Variants in USP9X observed in about 807,000 individuals in gnomAD.
USP9X encodes ubiquitin carboxyl-terminal hydrolase 9X.
In USP9X, 7 loss-of-function variants were observed where a neutral mutation model predicts 190.3. The ratio of observed to expected loss-of-function variants is 0.04; its 90% CI spans 0.02 to 0.07. The LOEUF (loss-of-function observed/expected upper bound fraction) is 0.07. USP9X is among the 10% of genes least tolerant of loss of function. The pLI, the probability that USP9X is intolerant of heterozygous loss-of-function variation, is 1.00. For synonymous variants in USP9X, 645 were observed against 659.5 expected, an observed-to-expected ratio of 0.98 and a Z score of 0.34; for missense variants, 1,010 against 1,916.9, an observed-to-expected ratio of 0.53 and a Z score of 8.83.
At chrX:41,138,574 C>A (rs1037599218) in intron 6 of USP9X, among the ~76,000 whole-genome samples, 1 of 111,831 alleles carries the variant, frequency 8.9e-6, no homozygotes, top group Non-Finnish European at 1.9e-5. Context: ...ACTTCAAATT[C>A]TCTCTACACC....
intron 21 of USP9X, among the ~76,000 whole-genome samples, chrX:41,183,409 G>A: frequency 9.0e-6 from 1 of 111,230 alleles, no homozygotes; most frequent in Non-Finnish European, 1.9e-5. Context: ...TTGTATTTTG[G>A]GATTATCTTA....
intron 24 of USP9X, among the ~76,000 whole-genome samples, chrX:41,187,151 A>T (rs2062887819): frequency 8.9e-6 from 1 of 112,123 alleles, no homozygotes. Context: ...GTGAATTTTG[A>T]CATATATGTG....
chrX:41,196,200 A>G (rs1281460917), intron 26 of USP9X, 51 bp from the exon 27 acceptor site: 5 of 1,182,111 alleles, frequency 4.2e-6, no homozygotes, highest in Non-Finnish European at 4.6e-6. Context: ...TGTTACAATC[A>G]TTTTTTAAAA....
rs193280234 is a variant in USP9X at position 41,105,174 on chromosome X, A to G, written c.-158-18297A>G. Among the ~76,000 whole-genome samples the G allele has an allele frequency of 1.8e-3, 204 of 111,527 alleles. 1 individual carries two copies. The highest frequency in any genetic ancestry group is 3.0e-3 in the Non-Finnish European group (159 of 53,055). On this transcript the variant is annotated intron_variant, in intron 1 of 44. Coordinates refer to ENST00000378308, the MANE Select transcript of USP9X (RefSeq NM_001039591.3). ...AAATATCAGGTGGAACTGCGTACAT[A>G]CTTCTGAGACAGAGCATGTGGCCTG...
At chrX:41,190,893 G>T (rs2062929124) in intron 26 of USP9X, among the ~76,000 whole-genome samples, 1 of 111,589 alleles carries the variant, frequency 9.0e-6, no homozygotes, top group Admixed American at 9.5e-5. Flanking sequence ...TTCTAAGTTA[G>T]GATCTTTTTG....
At chrX:41,140,848 A>G in intron 7 of USP9X, 77 bp downstream of exon 7, 1 of 1,088,213 alleles carries the variant, frequency 9.2e-7, no homozygotes, top group Non-Finnish European at 1.2e-6. Context: ...TGAGTTTTTC[A>G]AGTGTGGTTT....
intron 2 of USP9X, among the ~76,000 whole-genome samples, chrX:41,124,666 C>T (rs1273853015): frequency 9.0e-6 from 1 of 111,493 alleles, no homozygotes; most frequent in African/African-American, 3.3e-5. Context: ...ACACCACTTT[C>T]TACCCCATAA....
Position 41,198,420 on chromosome X carries a change from ATCTTAAATTCCAATGAGT to A in USP9X, c.4381-107_4381-90del. The A allele has an allele frequency of 2.5e-4, 103 of 419,303 alleles. 7 individuals carry two copies. The highest frequency in any genetic ancestry group is 1.6e-3 in the East Asian group (19 of 12,223). The allele number at this position is 419,303 out of a possible 1,213,427, so 34.6% of individuals were successfully genotyped here. On this transcript the variant is annotated intron_variant, in intron 29 of 44. Transcript: ENST00000378308. ...TCTGAGTTTTCTGAGATGTAATGAG[ATCTTAAATTCCAATGAGT>A]AATTTTAAAATGATTTACTTACAAG...
Position 41,184,192 on chromosome X carries a change from GTTC to G in USP9X, c.3279+67_3279+69del, listed in dbSNP as rs2062852959. Reference sequence around the variant, plus strand: ...GTTTTTCCTTTTAAATTTATTCTGTGTTCTTTAAATTTGACCTTTCATATGGTA... The same window carrying G: ...GTTTTTCCTTTTAAATTTATTCTGTGTTTAAATTTGACCTTTCATATGGTA... On this transcript the variant is annotated intron_variant, in intron 22 of 44. Coordinates refer to ENST00000378308, the MANE Select transcript of USP9X (RefSeq NM_001039591.3). 1.1e-4 allele frequency: 123 copies of G among 1,117,687 alleles called. 2 individuals are homozygous for G. The South Asian group carries it at 2.6e-3, about 24-fold the overall frequency. The allele number at this position is 1,117,687 out of a possible 1,213,427, so 92.1% of individuals were successfully genotyped here.
At chrX:41,167,312 C>G in intron 16 of USP9X, 170 bp from the exon 17 acceptor site, 1 of 333,814 alleles carries the variant, frequency 3.0e-6, no homozygotes, top group Non-Finnish European at 5.3e-6. Flanking sequence ...CATTTATTAC[C>G]CTTTCTTTTG....
intron 25 of USP9X, 100 bp downstream of exon 25, chrX:41,188,217 C>T: frequency 1.2e-6 from 1 of 847,085 alleles, no homozygotes; most frequent in Non-Finnish European, 1.6e-6. Context: ...AAAATTGAAT[C>T]ACTTGCATCT....
At position 41,215,973 on chromosome X, in the gene USP9X, T is replaced by C; in HGVS notation, c.5406T>C (p.Tyr1802=). Residue 1802 remains tyrosine, a synonymous_variant, in exon 35 of 45, where the codon TAT becomes TAC. Transcript: ENST00000378308. ...CTATACAACTAAAGCGATTTGACTA[T>C]GACTGGGAAAGAGAATGTGCAATCA... ...VLAIQLKRFD[Y]DWERECAIKF... is the part of the protein sequence containing the mutation. 4 of 1,211,748 alleles carry C rather than the reference T, an allele frequency of 3.3e-6. No homozygotes were observed. The highest frequency in any genetic ancestry group is 4.5e-6 in the Non-Finnish European group (4 of 895,504).
At chrX:41,094,978 T>A (rs970582755) in intron 1 of USP9X, among the ~76,000 whole-genome samples, 2 of 108,368 alleles carry the variant, frequency 1.8e-5, no homozygotes, top group Admixed American at 2.0e-4. Context: ...AGGTGGAGGT[T>A]GCAGTGAGCC....
intron 1 of USP9X, among the ~76,000 whole-genome samples, chrX:41,119,977 G>A (rs1050055983): frequency 6.4e-5 from 7 of 108,965 alleles, no homozygotes; most frequent in Admixed American, 2.0e-4. Context: ...TAACAAAAGC[G>A]AAAGAGGGAC....
intron 1 of USP9X, among the ~76,000 whole-genome samples, chrX:41,108,164 T>C (rs1475660048): frequency 8.9e-6 from 1 of 112,097 alleles, no homozygotes; most frequent in Admixed American, 9.5e-5. Flanking sequence ...TGAACTATTT[T>C]AGTGCCTACC....
intron 1 of USP9X, among the ~76,000 whole-genome samples, chrX:41,119,234 G>A (rs916638475): frequency 2.7e-5 from 3 of 111,012 alleles, no homozygotes; most frequent in African/African-American, 6.6e-5. Flanking sequence ...TGAGATGGGC[G>A]GGGCATGGTG....
intron 1 of USP9X, among the ~76,000 whole-genome samples, chrX:41,120,362 A>G (rs1237603085): frequency 8.9e-6 from 1 of 112,465 alleles, no homozygotes; most frequent in African/African-American, 3.2e-5. Flanking sequence ...AGTGCCTAAC[A>G]TGCGAAAAGC....
intron 1 of USP9X, among the ~76,000 whole-genome samples, chrX:41,114,207 A>G (rs2062130136): frequency 8.9e-6 from 1 of 112,155 alleles, no homozygotes; most frequent in Non-Finnish European, 1.9e-5. Flanking sequence ...GAATAACATT[A>G]CGGGACTCAT....
chrX:41,105,987 T>C (rs1276163381), intron 1 of USP9X, among the ~76,000 whole-genome samples: 5 of 112,342 alleles, frequency 4.5e-5, no homozygotes, highest in African/African-American at 1.6e-4. Flanking sequence ...TTTATTATTA[T>C]TGAGTTGTAT....
Sources: allele counts gnomAD v4.1 joint callset (sites outside exome capture counted in the v4.1 genomes callset), GRCh38; gene constraint gnomAD v4.1.1; transcripts MANE v1.5; gene names NCBI Gene and HGNC (gene_info 2026-07-23, HGNC 2026-07-21).